Variants in GABRB1 observed in about 807,000 individuals in gnomAD.
GABRB1 encodes the protein gamma-aminobutyric acid receptor subunit beta-1.
In GABRB1, 17 loss-of-function variants were observed where a neutral mutation model predicts 51.6. The ratio of observed to expected loss-of-function variants is 0.33; its 90% CI spans 0.23 to 0.49. GABRB1 has a LOEUF of 0.49. GABRB1 is among the 20% of genes least tolerant of loss of function. The probability of loss-of-function intolerance (pLI) is 0.99; values close to 1 mark genes in which losing one functional copy is unlikely to be tolerated. For synonymous variants in GABRB1, 247 were observed against 218.9 expected (o/e 1.13, Z -1.14); for missense variants, 410 against 600.6 (o/e 0.68, Z 3.32).
chr4:47,069,523 G>A (rs1239481894), intron 3 of GABRB1, among the ~76,000 whole-genome samples: 2 of 152,098 alleles, frequency 1.3e-5, no homozygotes, highest in Non-Finnish European at 2.9e-5. Context: ...TCTACAGTTT[G>A]ACTCTCACCT....
intron 4 of GABRB1, among the ~76,000 whole-genome samples, chr4:47,237,089 G>A (rs1187498394): frequency 6.6e-6 from 1 of 151,680 alleles, no homozygotes; most frequent in East Asian, 1.9e-4. Context: ...AAAAATATTT[G>A]AATTTTTATA....
intron 4 of GABRB1, among the ~76,000 whole-genome samples, chr4:47,289,437 A>G (rs1235651653): frequency 6.6e-6 from 1 of 152,222 alleles, no homozygotes; most frequent in African/African-American, 2.4e-5. Context: ...AAGATTTTTC[A>G]TAGATTATAA....
chr4:47,037,201 C>G (rs1162806661), intron 3 of GABRB1, among the ~76,000 whole-genome samples: 1 of 152,124 alleles, frequency 6.6e-6, no homozygotes, highest in Non-Finnish European at 1.5e-5. Context: ...TGCCTTTTTT[C>G]TTCAGAATAA....
intron 4 of GABRB1, among the ~76,000 whole-genome samples, chr4:47,274,894 A>G (rs1214970403): frequency 1.3e-5 from 2 of 152,144 alleles, no homozygotes; most frequent in African/African-American, 4.8e-5. Flanking sequence ...CTCCTGTCCA[A>G]ATGGCCATTC....
intron 1 of GABRB1, among the ~76,000 whole-genome samples, chr4:47,004,877 A>AC (rs1265401220): frequency 2.0e-5 from 3 of 152,246 alleles, no homozygotes; most frequent in Non-Finnish European, 4.4e-5. Context: ...GAAGTTTAAT[A>AC]CTTATAGTTT....
intron 4 of GABRB1, among the ~76,000 whole-genome samples, chr4:47,297,460 T>A (rs532474930): frequency 2.6e-5 from 4 of 151,562 alleles, no homozygotes; most frequent in Admixed American, 2.6e-4. Context: ...CAAACTACCA[T>A]CAGAGAATAC....
intron 8 of GABRB1, among the ~76,000 whole-genome samples, chr4:47,411,496 A>C (rs968983570): frequency 6.6e-6 from 1 of 152,320 alleles, no homozygotes; most frequent in South Asian, 2.1e-4. Flanking sequence ...AGTCAGTGAT[A>C]GTGAGGAAGG....
intron 3 of GABRB1, among the ~76,000 whole-genome samples, chr4:47,097,044 T>A (rs1452171300): frequency 6.6e-6 from 1 of 152,184 alleles, no homozygotes; most frequent in Non-Finnish European, 1.5e-5. Context: ...CCGCCCTTGA[T>A]TGCCTACGTT....
intron 1 of GABRB1, among the ~76,000 whole-genome samples, chr4:47,002,377 T>A (rs1724256696): frequency 6.6e-6 from 1 of 152,216 alleles, no homozygotes; most frequent in South Asian, 2.1e-4. Flanking sequence ...TATATTTGCA[T>A]TGGATATTTT....
intron 4 of GABRB1, among the ~76,000 whole-genome samples, chr4:47,308,885 C>A (rs919410332): frequency 6.6e-6 from 1 of 152,058 alleles, no homozygotes; most frequent in African/African-American, 2.4e-5. Context: ...AGAAAAGATA[C>A]CACACTTGTT....
At chr4:47,126,952 C>T (rs1352660301) in intron 3 of GABRB1, among the ~76,000 whole-genome samples, 1 of 151,762 alleles carries the variant, frequency 6.6e-6, no homozygotes, top group African/African-American at 2.4e-5. Flanking sequence ...AGAGAGCCTC[C>T]CATTTCTACA....
chr4:47,059,286 G>T (rs1319158125), intron 3 of GABRB1, among the ~76,000 whole-genome samples: 2 of 152,074 alleles, frequency 1.3e-5, no homozygotes, highest in African/African-American at 4.8e-5. Context: ...TTTGTTTTGT[G>T]GTATCTGATT....
At chr4:47,343,285 T>TA (rs1253561963) in intron 5 of GABRB1, among the ~76,000 whole-genome samples, 2 of 152,122 alleles carry the variant, frequency 1.3e-5, no homozygotes, top group East Asian at 1.9e-4. Flanking sequence ...TAAACGAGGA[T>TA]AAAATCACAC....
At chr4:47,135,933 C>T (rs1359175462) in intron 3 of GABRB1, among the ~76,000 whole-genome samples, 1 of 152,100 alleles carries the variant, frequency 6.6e-6, no homozygotes, top group Non-Finnish European at 1.5e-5. Flanking sequence ...CTCTCTTCCT[C>T]ATCTAGATAA....
intron 4 of GABRB1, among the ~76,000 whole-genome samples, chr4:47,311,617 A>T (rs1055915515): frequency 2.0e-5 from 3 of 152,100 alleles, no homozygotes; most frequent in Non-Finnish European, 2.9e-5. Context: ...AGCCTCCAGG[A>T]GGAACACAGC....
intron 4 of GABRB1, among the ~76,000 whole-genome samples, chr4:47,203,476 C>T (rs915984575): frequency 3.9e-5 from 6 of 151,992 alleles, no homozygotes; most frequent in African/African-American, 1.2e-4. Flanking sequence ...GCTGAATACC[C>T]GGATATATCA....
intron 4 of GABRB1, among the ~76,000 whole-genome samples, chr4:47,244,035 C>T (rs902687095): frequency 4.6e-5 from 7 of 152,040 alleles, no homozygotes; most frequent in African/African-American, 1.7e-4. Context: ...ATAAATAGCT[C>T]TTATTATTTT....
chr4:47,122,791 G>C (rs1451428761), intron 3 of GABRB1, among the ~76,000 whole-genome samples: 1 of 152,166 alleles, frequency 6.6e-6, no homozygotes, highest in African/African-American at 2.4e-5. Flanking sequence ...GAACCACAGT[G>C]GGCAAGAAGC....
chr4:47,236,903 TG>T (rs1378122870), intron 4 of GABRB1, among the ~76,000 whole-genome samples: 2 of 152,144 alleles, frequency 1.3e-5, no homozygotes, highest in African/African-American at 2.4e-5. Flanking sequence ...TTGTAAACAC[TG>T]GATTTTAATG....
Sources: gnomAD v4.1 joint callset for allele counts (sites outside exome capture counted in the v4.1 genomes callset) on GRCh38, gnomAD v4.1.1 for gene constraint, MANE v1.5 for transcripts, NCBI Gene and HGNC (gene_info 2026-07-23, HGNC 2026-07-21) for gene names.